The following GNPTG variants were observed in gnomAD, a reference collection of about 807,000 sequenced individuals.
The protein encoded by GNPTG is N-acetylglucosamine-1-phosphate transferase subunit gamma, also known as N-acetylglucosamine-1-phosphotransferase subunit gamma.
GNPTG carries 46 observed loss-of-function variants against 43.8 expected under a neutral mutation model. The observed-to-expected ratio is 1.05, with a 90% confidence interval of 0.83 to 1.34. The LOEUF is 1.34. GNPTG is among the 40% of genes most tolerant of loss of function. The probability of loss-of-function intolerance (pLI) is 0.00; values close to 1 mark genes in which losing one functional copy is unlikely to be tolerated. For missense variants in GNPTG, 549 were observed against 411.3 expected, an observed-to-expected ratio of 1.33 and a Z score of -2.90; for synonymous variants, 250 against 172.8, an observed-to-expected ratio of 1.45 and a Z score of -3.50.
At chr16:1,359,142 G>A (rs1051499283) in intron 3 of GNPTG, among the ~76,000 whole-genome samples, 4 of 151,802 alleles carry the variant, frequency 2.6e-5, no homozygotes, top group African/African-American at 9.7e-5. Flanking sequence ...CGGCTTCTCT[G>A]CCCATTTTTA....
intron 3 of GNPTG, among the ~76,000 whole-genome samples, chr16:1,360,163 CTGTT>C (rs1009223245): frequency 2.0e-5 from 3 of 151,932 alleles, no homozygotes; most frequent in African/African-American, 7.3e-5. Flanking sequence ...GTGGGTGGCA[CTGTT>C]TGTGCGTGGA....
intron 3 of GNPTG, chr16:1,361,331 C>T (rs900502109): frequency 2.1e-5 from 5 of 233,984 alleles, no homozygotes; most frequent in Non-Finnish European, 4.3e-5. Flanking sequence ...TTTCTTTGAA[C>T]GTCTTGTGCT....
In GNPTG at chr16:1,359,691, C is replaced by T. The variant is rs148460222; in HGVS notation, c.179-2052C>T. Among the ~76,000 whole-genome samples, 1,383 of 152,272 alleles carry T rather than the reference C, an allele frequency of 9.1e-3. 34 individuals are homozygous for T. The highest frequency in any genetic ancestry group is 0.045 in the Admixed American group (682 of 15,302). ...TAAGATTTGTTCGATGATTTGGGGTCCTCTGAGACTCCCTATGAACTTTAG... is the reference window on the plus strand; with the variant it reads ...TAAGATTTGTTCGATGATTTGGGGTTCTCTGAGACTCCCTATGAACTTTAG... On this transcript the variant is annotated intron_variant, in intron 3 of 10. Coordinates refer to ENST00000204679, the MANE Select transcript of GNPTG (RefSeq NM_032520.5).
chr16:1,355,936 A>C (rs1002817697), intron 3 of GNPTG, among the ~76,000 whole-genome samples: 1 of 151,754 alleles, frequency 6.6e-6, no homozygotes, highest in African/African-American at 2.4e-5. Context: ...CACGGTGGGC[A>C]CAGGACTCAC....
rs1193868379 is a variant in GNPTG at position 1,362,729 on chromosome 16, A to T, written c.728A>T (p.Glu243Val). The change falls in exon 9 of 11, where the codon GAA becomes GTA. Residue 243 changes from glutamate (E) to valine (V), a missense_variant. Transcript: ENST00000204679. ...GACAGCTTGGGGTTTGAGACCCTGGAAAACTGCAGGAAGGTACCGTATTGG... is the reference window on the plus strand; with the variant it reads ...GACAGCTTGGGGTTTGAGACCCTGGTAAACTGCAGGAAGGTACCGTATTGG... ...GPDSLGFETL[E>V]NCRKAHKELS... The T allele has an allele frequency of 1.2e-6, 2 of 1,614,052 alleles. No homozygotes were observed. The highest frequency in any genetic ancestry group is 1.1e-5 in the South Asian group (1 of 91,086).
intron 3 of GNPTG, among the ~76,000 whole-genome samples, chr16:1,356,490 G>T (rs1221725921): frequency 6.6e-6 from 1 of 152,202 alleles, no homozygotes; most frequent in East Asian, 1.9e-4. Flanking sequence ...AAACCTGAGG[G>T]CCAGGCGGAG....
chr16:1,357,972 T>TA (rs2034808166), intron 3 of GNPTG: 1 of 151,712 alleles, frequency 6.6e-6, no homozygotes, highest in Non-Finnish European at 1.5e-5. Flanking sequence ...GCCCCAGCCT[T>TA]CCCCACAGTC....
chr16:1,359,946 C>CA (rs893466730), intron 3 of GNPTG, among the ~76,000 whole-genome samples: 11 of 151,876 alleles, frequency 7.2e-5, no homozygotes, highest in African/African-American at 2.7e-4. Context: ...CCCGTCTCTA[C>CA]AAAAATACAA....
chr16:1,356,003 G>A (rs2034767841), intron 3 of GNPTG, among the ~76,000 whole-genome samples: 2 of 152,044 alleles, frequency 1.3e-5, no homozygotes, highest in Non-Finnish European at 2.9e-5. Flanking sequence ...GTTCTTGGTG[G>A]CGTGTGGGGG....
At chr16:1,361,188 G>A (rs768793119) in intron 3 of GNPTG, 70 of 158,482 alleles carry the variant, frequency 4.4e-4, no homozygotes, top group Non-Finnish European at 6.1e-4. Context: ...CAATCTTCCC[G>A]CCTTGGCCTC....
At chr16:1,352,668 G>C (rs2034705693) in intron 3 of GNPTG, among the ~76,000 whole-genome samples, 1 of 151,948 alleles carries the variant, frequency 6.6e-6, no homozygotes, top group Admixed American at 6.5e-5. Context: ...CTGATTTGTC[G>C]TTGTCACTCG....
intron 3 of GNPTG, among the ~76,000 whole-genome samples, chr16:1,354,683 C>T (rs1027345193): frequency 2.6e-5 from 4 of 151,216 alleles, no homozygotes; most frequent in South Asian, 2.1e-4. Flanking sequence ...CAGTCAGGTT[C>T]ACATGTGCAT....
Position 1,362,474 on chromosome 16 carries a change from CCTGCAG to C in GNPTG, c.551_556del (p.Leu184_Gln185del), listed in dbSNP as rs1555451962. ...CAGTGTACCCAACCCTGCCAGAGGC[CCTGCAG>C]CGGCAGTGGGACCAGGTAGAGCAGG... On this transcript the variant is annotated inframe_deletion, in exon 8 of 11. Coordinates refer to ENST00000204679, the MANE Select transcript of GNPTG (RefSeq NM_032520.5). 4 of 1,614,058 alleles carry C rather than the reference CCTGCAG, an allele frequency of 2.5e-6. No individual in the cohort carries two copies. The highest frequency in any genetic ancestry group is 3.4e-6 in the Non-Finnish European group (4 of 1,180,006).
rs767184877 is a variant in GNPTG at position 1,352,094 on chromosome 16, C to T, written c.53-8C>T. 1.9e-6 allele frequency: 3 copies of T among 1,564,318 alleles called. No homozygotes were observed. Among genetic ancestry groups the T allele is most frequent in the East Asian group, 2.4e-5 (1 of 42,236 alleles). On this transcript the variant is annotated splice_region_variant and splice_polypyrimidine_tract_variant and intron_variant, in intron 1 of 10. Transcript: ENST00000204679. ...CGGCCTCCCCGCTCACGGTCTCGCT[C>T]CCCGTAGGGCCCGCGCCGGCAGGTG...
chr16:1,356,119 C>G (rs1014065537), intron 3 of GNPTG, among the ~76,000 whole-genome samples: 1 of 151,978 alleles, frequency 6.6e-6, no homozygotes, highest in African/African-American at 2.4e-5. Flanking sequence ...GAGACGCAGC[C>G]CTAGGGGGAG....
Position 1,356,904 on chromosome 16 carries a change from CGGGCG to C in GNPTG, c.178+4599_178+4603del, listed in dbSNP as rs1161512330. ...GCGGGGGTCTGCGGGCGGGAGTGTG[CGGGCG>C]AGAGTGTGCGGGCGGGGGTCTGCGG... On this transcript the variant is annotated intron_variant, in intron 3 of 10. Coordinates refer to ENST00000204679, the MANE Select transcript of GNPTG (RefSeq NM_032520.5). Among the ~76,000 whole-genome samples the C allele has an allele frequency of 2.3e-3, 22 of 9,602 alleles. No homozygotes were observed. In the South Asian group the frequency reaches 0.067, roughly 29 times the overall value. 6.3% of individuals were successfully genotyped at this position (9,602 alleles called of 152,430 possible).
chr16:1,353,405 C>CACTG (rs2034719237), intron 3 of GNPTG, among the ~76,000 whole-genome samples: 1 of 152,136 alleles, frequency 6.6e-6, no homozygotes, highest in Admixed American at 6.6e-5. Context: ...GAGGAACAGG[C>CACTG]ACTGAGCCTG....
rs8062558 is a variant in GNPTG at position 1,362,897 on chromosome 16, A to C, written c.814A>C (p.Arg272=). The change falls in exon 10 of 11, where the codon AGG becomes CGG. Residue 272 remains arginine (R), a synonymous_variant. Transcript: ENST00000204679. The part of the protein sequence containing the change: ...LLTQHGIPYT[R]PTETSNLEHL... ...CACCCAGCACGGCATCCCCTACACG[A>C]GGCCCACAGGTGAGTCACCTGTGGG... is the stretch of plus-strand genomic sequence containing the variant. 1 of 1,613,994 alleles carries C rather than the reference A, an allele frequency of 6.2e-7. No homozygotes were observed. Among genetic ancestry groups the C allele is most frequent in the Admixed American group, 1.7e-5 (1 of 60,002 alleles).
In GNPTG at chr16:1,362,989, T is replaced by C. The variant is rs758749545; in HGVS notation, c.824-8T>C. 2 of 1,614,010 alleles carry C rather than the reference T, an allele frequency of 1.2e-6. No homozygotes were observed. Among genetic ancestry groups the C allele is most frequent in the Non-Finnish European group, 1.7e-6 (2 of 1,179,970 alleles). ...CAGGTGAGGACTGGCCACCTGGTGT[T>C]TTGGCAGAAACTTCCAACTTGGAGC... On this transcript the variant is annotated splice_polypyrimidine_tract_variant and splice_region_variant and intron_variant, in intron 10 of 10. Coordinates refer to ENST00000204679, the MANE Select transcript of GNPTG (RefSeq NM_032520.5).
Sources: gnomAD v4.1 joint callset for allele counts (sites outside exome capture counted in the v4.1 genomes callset) on GRCh38, gnomAD v4.1.1 for gene constraint, MANE v1.5 for transcripts, NCBI Gene and HGNC (gene_info 2026-07-23, HGNC 2026-07-21) for gene names.